Variants in FILIP1L observed in about 807,000 individuals in gnomAD.
FILIP1L encodes the protein filamin A-interacting protein 1-like.
Under a neutral mutation model 96.6 loss-of-function variants are expected in FILIP1L, and 55 were observed. The observed-to-expected ratio is 0.57, with a 90% CI of 0.46 to 0.71. The LOEUF (loss-of-function observed/expected upper bound fraction) is 0.71, where lower values mean the gene tolerates loss of function less well. FILIP1L is among the 30% of genes least tolerant of loss of function. The pLI is 0.00. For missense variants in FILIP1L, 1,304 were observed against 1,321.2 expected (o/e 0.99, Z 0.20); for synonymous variants, 467 against 473.9 (o/e 0.99, Z 0.19).
At chr3:99,977,336 C>G (rs980579443) in intron 1 of FILIP1L, among the ~76,000 whole-genome samples, 2 of 151,904 alleles carry the variant, frequency 1.3e-5, no homozygotes, top group Non-Finnish European at 2.9e-5. Context: ...AAAGGTTGAT[C>G]TAGTAGCTGA....
Position 100,065,591 on chromosome 3 carries a change from C to A in FILIP1L, c.-11+48462G>T, listed in dbSNP as rs187815103. On this transcript the variant is annotated intron_variant, in intron 1 of 5. Coordinates refer to ENST00000477258, the MANE Select transcript of FILIP1L (RefSeq NM_001387850.1). Reference sequence around the variant, plus strand: ...TCTTCCACTTTTCATCTTACTCTTTCTTCCTAATGAAAAAAGTATTCACTT... The same window carrying A: ...TCTTCCACTTTTCATCTTACTCTTTATTCCTAATGAAAAAAGTATTCACTT... Among the ~76,000 whole-genome samples, 11 of 152,262 alleles carry A rather than the reference C, an allele frequency of 7.2e-5. No homozygotes were observed. The East Asian group carries it at 1.3e-3, about 19-fold the overall frequency.
chr3:100,033,237 C>T (rs1169139426), intron 1 of FILIP1L, among the ~76,000 whole-genome samples: 1 of 152,130 alleles, frequency 6.6e-6, no homozygotes, highest in Non-Finnish European at 1.5e-5. Context: ...GTTTATGTGT[C>T]CATTGACTGC....
Position 100,055,142 on chromosome 3 carries a change from C to T in FILIP1L, c.-11+58911G>A, listed in dbSNP as rs1575997156. Among the ~76,000 whole-genome samples the T allele has an allele frequency of 2.6e-5, 4 of 152,314 alleles. No individual in the cohort carries two copies. The South Asian group carries it at 8.3e-4, about 32-fold the overall frequency. ...GGTCTGCCCTTCAGAACATTCTCAG[C>T]AGCTCCTATCCCAATTCAGGTCTCC... is the stretch of plus-strand genomic sequence containing the variant. On this transcript the variant is annotated intron_variant, in intron 1 of 5. Coordinates refer to ENST00000477258, the MANE Select transcript of FILIP1L (RefSeq NM_001387850.1).
chr3:100,004,703 T>C (rs1709939049), intron 1 of FILIP1L, among the ~76,000 whole-genome samples: 2 of 152,180 alleles, frequency 1.3e-5, no homozygotes, highest in South Asian at 2.1e-4. Flanking sequence ...GAATGAGAAC[T>C]GGGACTAGGT....
Position 100,051,433 on chromosome 3 carries a change from G to A in FILIP1L, c.-11+62620C>T, listed in dbSNP as rs1575991693. 3 of 151,464 alleles carry A rather than the reference G, an allele frequency of 2.0e-5. No homozygotes were observed. The South Asian group carries it at 6.3e-4, about 32-fold the overall frequency. The allele number at this position is 151,464 out of a possible 1,614,324, so 9.4% of individuals were successfully genotyped here. On this transcript the variant is annotated intron_variant, in intron 1 of 5. Coordinates refer to ENST00000477258, the MANE Select transcript of FILIP1L (RefSeq NM_001387850.1). ...AGGTTAGTTACATATGTATACATGT[G>A]CCATGTTGGTGTGCTGCACTCATTA...
chr3:100,038,312 A>G lies in FILIP1L; in HGVS notation c.-11+75741T>C, dbSNP rs570913968. ...ACAGAAATAATAAGAAAAGTAATGA[A>G]GTAATGAGTCTATTATTTTGAGCCC... is the stretch of plus-strand genomic sequence containing the variant. On this transcript the variant is annotated intron_variant, in intron 1 of 5. Coordinates refer to ENST00000477258, the MANE Select transcript of FILIP1L (RefSeq NM_001387850.1). Among the ~76,000 whole-genome samples the G allele has an allele frequency of 1.9e-3, 287 of 152,332 alleles. 2 individuals carry two copies. Among genetic ancestry groups the G allele is most frequent in the South Asian group, 9.1e-3 (44 of 4,832 alleles).
At chr3:100,031,065 C>T (rs2065014579) in intron 1 of FILIP1L, among the ~76,000 whole-genome samples, 1 of 152,080 alleles carries the variant, frequency 6.6e-6, no homozygotes, top group African/African-American at 2.4e-5. Flanking sequence ...CCCATTCTGC[C>T]TTTATTCCTT....
At chr3:100,085,046 C>T (rs2065986251) in intron 1 of FILIP1L, among the ~76,000 whole-genome samples, 1 of 152,150 alleles carries the variant, frequency 6.6e-6, no homozygotes. Flanking sequence ...ATGTATGGTA[C>T]AGATCTCTGC....
intron 1 of FILIP1L, among the ~76,000 whole-genome samples, chr3:100,052,717 CA>C (rs1354278323): frequency 6.6e-6 from 1 of 152,124 alleles, no homozygotes; most frequent in South Asian, 2.1e-4. Flanking sequence ...TAAAATTTTA[CA>C]AAGGCAAGGT....
chr3:100,094,449 T>C (rs62285475), intron 1 of FILIP1L, among the ~76,000 whole-genome samples: 7,166 of 152,246 alleles, frequency 0.047, 266 homozygotes, highest in Non-Finnish European at 0.066. Flanking sequence ...GTGTAACTTA[T>C]CAATTTTTTT....
Position 99,947,341 on chromosome 3 carries a change from A to G in FILIP1L, c.-10-16311T>C, listed in dbSNP as rs190686373. ...TAGGGAACATTAGCTATTGTCATAAATCTTCCATACCATGATATTTGATAG... is the reference window on the plus strand; with the variant it reads ...TAGGGAACATTAGCTATTGTCATAAGTCTTCCATACCATGATATTTGATAG... On this transcript the variant is annotated intron_variant, in intron 1 of 5. Coordinates refer to ENST00000477258, the MANE Select transcript of FILIP1L (RefSeq NM_001387850.1). Among the ~76,000 whole-genome samples, 161 of 152,282 alleles carry G rather than the reference A, an allele frequency of 1.1e-3. 1 individual carries two copies. Among genetic ancestry groups the G allele is most frequent in the Admixed American group, 7.9e-3 (121 of 15,286 alleles).
chr3:99,915,062 A>G (rs1706909847), intron 4 of FILIP1L, among the ~76,000 whole-genome samples: 1 of 151,942 alleles, frequency 6.6e-6, no homozygotes, highest in Admixed American at 6.6e-5. Flanking sequence ...TTTTTCTTCT[A>G]GCTCCATGAT....
intron 4 of FILIP1L, among the ~76,000 whole-genome samples, chr3:99,889,382 A>G (rs1706012265): frequency 6.6e-6 from 1 of 152,086 alleles, no homozygotes; most frequent in Non-Finnish European, 1.5e-5. Context: ...TGATATTAAC[A>G]TAGCTATATA....
chr3:99,858,048 C>T (rs1392687006), intron 4 of FILIP1L, among the ~76,000 whole-genome samples: 1 of 152,122 alleles, frequency 6.6e-6, no homozygotes, highest in Non-Finnish European at 1.5e-5. Context: ...AGCAGTAGTT[C>T]GTAACCTTTT....
At chr3:100,041,587 CA>C (rs917069952) in intron 1 of FILIP1L, among the ~76,000 whole-genome samples, 1 of 150,980 alleles carries the variant, frequency 6.6e-6, no homozygotes, top group Non-Finnish European at 1.5e-5. Flanking sequence ...ACTAAGGCTA[CA>C]AAAAAAATAA....
At chr3:99,901,065 G>T (rs140830742) in intron 4 of FILIP1L, among the ~76,000 whole-genome samples, 81 of 152,300 alleles carry the variant, frequency 5.3e-4, no homozygotes, top group African/African-American at 1.9e-3. Context: ...ATAACATTTG[G>T]TGTGGAATTT....
intron 1 of FILIP1L, among the ~76,000 whole-genome samples, chr3:100,016,608 A>G (rs890273722): frequency 1.3e-5 from 2 of 152,226 alleles, no homozygotes; most frequent in African/African-American, 4.8e-5. Flanking sequence ...CCTTGAAACT[A>G]AAATACTTTG....
chr3:99,852,959 A>T (rs1019827765), intron 4 of FILIP1L, among the ~76,000 whole-genome samples: 3 of 152,176 alleles, frequency 2.0e-5, no homozygotes, highest in African/African-American at 7.2e-5. Flanking sequence ...GGCTGGCCCA[A>T]GGGCTGTGGC....
At chr3:99,983,732 A>G (rs1378648045) in intron 1 of FILIP1L, among the ~76,000 whole-genome samples, 1 of 150,996 alleles carries the variant, frequency 6.6e-6, no homozygotes, top group East Asian at 1.9e-4. Context: ...TTATTTACCT[A>G]GAATCTCTGT....
Sources: allele counts gnomAD v4.1 joint callset (sites outside exome capture counted in the v4.1 genomes callset), GRCh38; gene constraint gnomAD v4.1.1; transcripts MANE v1.5; gene names NCBI Gene and HGNC (gene_info 2026-07-23, HGNC 2026-07-21).